Variants in SLC9A9 observed in about 807,000 individuals in gnomAD.
The protein encoded by SLC9A9 is solute carrier family 9 member A9.
In SLC9A9, 62 loss-of-function variants were observed where a neutral mutation model predicts 77.8. The observed-to-expected ratio is 0.80, with a 90% CI of 0.65 to 0.98. The LOEUF (loss-of-function observed/expected upper bound fraction) is 0.98. Ranked by LOEUF, SLC9A9 falls within the 50% of genes least tolerant of loss-of-function variation. SLC9A9 has a pLI of 0.00. For missense variants in SLC9A9, 775 were observed against 774.9 expected (o/e 1.00, Z 0.00); for synonymous variants, 320 against 283.5 (o/e 1.13, Z -1.29).
chr3:143,403,810 G>A (rs751587921), intron 12 of SLC9A9, among the ~76,000 whole-genome samples: 90 of 152,090 alleles, frequency 5.9e-4, no homozygotes, highest in Middle Eastern at 6.8e-3. Context: ...TATGGCTTTC[G>A]TTTTCCCTAC....
chr3:143,503,582 A>C, intron 9 of SLC9A9: 1 of 424,994 alleles, frequency 2.4e-6, no homozygotes, highest in Non-Finnish European at 4.7e-6. Flanking sequence ...ACATGGAAGG[A>C]TATGCCAATG....
At chr3:143,625,756 T>C (rs1175913346) in intron 6 of SLC9A9, among the ~76,000 whole-genome samples, 1 of 152,100 alleles carries the variant, frequency 6.6e-6, no homozygotes, top group Non-Finnish European at 1.5e-5. Flanking sequence ...AAAGCCAAAA[T>C]TGACAAATGG....
At chr3:143,429,900 G>C (rs2034479246) in intron 12 of SLC9A9, among the ~76,000 whole-genome samples, 1 of 152,188 alleles carries the variant, frequency 6.6e-6, no homozygotes, top group African/African-American at 2.4e-5. Flanking sequence ...GAGGGCCTTA[G>C]AGGTCATATC....
At chr3:143,725,049 C>CATACATCCTCCAGACTTGAGT (rs1260665760) in intron 4 of SLC9A9, among the ~76,000 whole-genome samples, 2 of 152,174 alleles carry the variant, frequency 1.3e-5, no homozygotes, top group Admixed American at 6.5e-5. Flanking sequence ...TGGGCCCCTA[C>CATACATCCTCCAGACTTGAGT]ATACATCCTC....
chr3:143,661,877 T>C (rs2038983830), intron 5 of SLC9A9, among the ~76,000 whole-genome samples: 1 of 152,174 alleles, frequency 6.6e-6, no homozygotes, highest in Admixed American at 6.5e-5. Flanking sequence ...AGACAACTCC[T>C]GTTGGAGTTG....
At chr3:143,451,951 T>A (rs536989081) in intron 12 of SLC9A9, among the ~76,000 whole-genome samples, 5 of 152,110 alleles carry the variant, frequency 3.3e-5, no homozygotes, top group Non-Finnish European at 5.9e-5. Context: ...GGAAATTTAA[T>A]GTACTTCTTT....
At chr3:143,775,334 A>G (rs1423018668) in intron 4 of SLC9A9, among the ~76,000 whole-genome samples, 1 of 152,142 alleles carries the variant, frequency 6.6e-6, no homozygotes, top group Non-Finnish European at 1.5e-5. Flanking sequence ...CTGAATAATA[A>G]ATAGTTTACT....
At chr3:143,702,287 G>A (rs1193459608) in intron 4 of SLC9A9, among the ~76,000 whole-genome samples, 2 of 151,930 alleles carry the variant, frequency 1.3e-5, no homozygotes, top group African/African-American at 2.4e-5. Flanking sequence ...CTGTGTCTGT[G>A]GAATATAAAC....
intron 4 of SLC9A9, among the ~76,000 whole-genome samples, chr3:143,773,711 T>C (rs1050084876): frequency 1.3e-5 from 2 of 152,198 alleles, no homozygotes; most frequent in Admixed American, 6.5e-5. Context: ...CTCGAACTCC[T>C]GACTTCAGGT....
chr3:143,301,957 T>C (rs2030541766), intron 14 of SLC9A9, among the ~76,000 whole-genome samples: 1 of 151,938 alleles, frequency 6.6e-6, no homozygotes. Context: ...AACTGCAGAG[T>C]GGAAATAAAA....
chr3:143,391,631 C>T (rs2033568783), intron 12 of SLC9A9, among the ~76,000 whole-genome samples: 1 of 152,182 alleles, frequency 6.6e-6, no homozygotes, highest in Non-Finnish European at 1.5e-5. Context: ...GAGAAGAAGG[C>T]TTCAAACGAT....
At chr3:143,589,308 T>TTA (rs939145581) in intron 6 of SLC9A9, among the ~76,000 whole-genome samples, 23 of 152,214 alleles carry the variant, frequency 1.5e-4, no homozygotes, top group Non-Finnish European at 1.5e-5. Flanking sequence ...TTAAGTAACT[T>TTA]TTAAAATTTC....
intron 2 of SLC9A9, among the ~76,000 whole-genome samples, chr3:143,822,454 AG>A (rs76706816): frequency 0.031 from 4,676 of 152,288 alleles, 222 homozygotes; most frequent in African/African-American, 0.1. Flanking sequence ...ATGGATGTGA[AG>A]GGAGCAGCTG....
At chr3:143,297,800 T>C (rs2030346115) in intron 14 of SLC9A9, among the ~76,000 whole-genome samples, 1 of 152,244 alleles carries the variant, frequency 6.6e-6, no homozygotes, top group African/African-American at 2.4e-5. Flanking sequence ...TGTTGTCGTA[T>C]AGAAACACAA....
At chr3:143,794,002 T>G (rs898893632) in intron 4 of SLC9A9, among the ~76,000 whole-genome samples, 1 of 152,226 alleles carries the variant, frequency 6.6e-6, no homozygotes, top group African/African-American at 2.4e-5. Flanking sequence ...TCTCACTGCC[T>G]TAAACCATTC....
chr3:143,820,418 C>T (rs2108880318), intron 2 of SLC9A9, among the ~76,000 whole-genome samples: 1 of 152,352 alleles, frequency 6.6e-6, no homozygotes, highest in East Asian at 1.9e-4. Context: ...TGCACAAACT[C>T]ACCTTTGCTA....
At chr3:143,344,726 T>A (rs942255990) in intron 14 of SLC9A9, 1 of 152,214 alleles carries the variant, frequency 6.6e-6, no homozygotes, top group Non-Finnish European at 1.5e-5. Flanking sequence ...ACCATTAATG[T>A]GGTTTTTCTT....
At chr3:143,331,091 AAG>A (rs2031753838) in intron 14 of SLC9A9, among the ~76,000 whole-genome samples, 1 of 152,196 alleles carries the variant, frequency 6.6e-6, no homozygotes, top group Non-Finnish European at 1.5e-5. Context: ...GGGATGGGGT[AAG>A]AGAGGATGGA....
rs73008902 is a variant in SLC9A9, at chr3:143,503,439, G to C, written c.1090-7991C>G. ...CTGTTAAAGTCAGAGGAGACAACCT[G>C]GTGCTCACGATGCCCAGGATGCCCT... On this transcript the variant is annotated intron_variant, in intron 9 of 15. Transcript: ENST00000316549. The C allele has an allele frequency of 5.1e-3, 1,834 of 357,286 alleles. 34 individuals are homozygous for C. Among genetic ancestry groups the C allele is most frequent in the African/African-American group, 0.036 (1,658 of 46,704 alleles). 22.1% of individuals were successfully genotyped at this position (357,286 alleles called of 1,614,324 possible). A position where few individuals can be genotyped will look rare whatever the true frequency, so the allele number is the denominator to read the frequency against.
Sources: allele counts gnomAD v4.1 joint callset (sites outside exome capture counted in the v4.1 genomes callset), GRCh38; gene constraint gnomAD v4.1.1; transcripts MANE v1.5; gene names NCBI Gene and HGNC (gene_info 2026-07-23, HGNC 2026-07-21).